The following NUP210 variants were observed in gnomAD, a reference collection of about 807,000 sequenced individuals.
The protein encoded by NUP210 is nuclear pore membrane glycoprotein 210.
In NUP210, 151 loss-of-function variants were observed where a neutral mutation model predicts 196.0. The ratio of observed to expected loss-of-function variants is 0.77; its 90% confidence interval spans 0.67 to 0.88. The LOEUF (loss-of-function observed/expected upper bound fraction) is 0.88. Ranked by LOEUF, NUP210 falls within the 40% of genes least tolerant of loss-of-function variation. The pLI, the probability that NUP210 is intolerant of heterozygous loss-of-function variation, is 0.00. For missense variants in NUP210, 2,314 were observed against 2,493.7 expected (o/e 0.93, Z 1.53); for synonymous variants, 1,070 against 1,052.7 (o/e 1.02, Z -0.32).
At chr3:13,374,532 C>T (rs1265336339) in intron 11 of NUP210, among the ~76,000 whole-genome samples, 1 of 152,116 alleles carries the variant, frequency 6.6e-6, no homozygotes, top group Non-Finnish European at 1.5e-5. Context: ...TGTCCTGTCT[C>T]GTTTCTGTCC....
Position 13,327,261 on chromosome 3 carries a change from A to G in NUP210, c.4463T>C (p.Val1488Ala), listed in dbSNP as rs374738555. 2.5e-6 allele frequency: 4 copies of G among 1,613,206 alleles called. No individual in the cohort carries two copies. The African/African-American group carries it at 4.0e-5, about 16-fold the overall frequency. ...AGTGGCCAGACAGAGCACGTCCCCCACCACCATGGCCCCAGACAGCTCTGG... is the reference window on the plus strand; with the variant it reads ...AGTGGCCAGACAGAGCACGTCCCCCGCCACCATGGCCCCAGACAGCTCTGG... ...ISPELSGAMV[V>A]GDVLCLATVL... Residue 1488 changes from valine (V) to alanine (A), a missense_variant, in exon 32 of 40, where the codon GTG becomes GCG. Coordinates refer to ENST00000254508, the MANE Select transcript of NUP210 (RefSeq NM_024923.4).
In NUP210 at chr3:13,348,631, GA is replaced by G; in HGVS notation, c.2835+3247del. 3.0e-6 allele frequency: 3 copies of G among 985,436 alleles called. No individual in the cohort carries two copies. The highest frequency in any genetic ancestry group is 3.6e-6 in the Non-Finnish European group (3 of 829,932). The allele number at this position is 985,436 out of a possible 1,614,324, so 61.0% of individuals were successfully genotyped here. The stretch of plus-strand genomic sequence containing the variant: ...GGAATTGTTCTTTCTTCTATGAGGG[GA>G]TAAGAATGCTTAGGAGACGCTGCTT... On this transcript the variant is annotated intron_variant, in intron 20 of 39. Coordinates refer to ENST00000254508, the MANE Select transcript of NUP210 (RefSeq NM_024923.4). The surrounding 1 kb of genome is among the most constrained non-coding windows in gnomAD (Gnocchi z 4.0).
At chr3:13,355,568 G>A (rs917845406) in intron 16 of NUP210, among the ~76,000 whole-genome samples, 4 of 152,220 alleles carry the variant, frequency 2.6e-5, no homozygotes, top group African/African-American at 7.2e-5. Context: ...GGCCCCGCCT[G>A]CCTGACCGAT....
At position 13,372,049 on chromosome 3, in the gene NUP210, T is replaced by A. The variant is rs373687713; in HGVS notation, c.1588-17A>T. ...CACATACACCTGGAAGACAGGGGCA[T>A]GGCCTGGGCTCAGCTGCCTCCACAG... On this transcript the variant is annotated splice_polypyrimidine_tract_variant and intron_variant, in intron 12 of 39. Coordinates refer to ENST00000254508, the MANE Select transcript of NUP210 (RefSeq NM_024923.4). 1.1e-5 allele frequency: 17 copies of A among 1,544,804 alleles called. No homozygotes were observed. The highest frequency in any genetic ancestry group is 8.8e-7 in the Non-Finnish European group (1 of 1,141,530).
Position 13,329,562 on chromosome 3 carries a change from T to C in NUP210, c.4111-616A>G, listed in dbSNP as rs146010531. Reference sequence around the variant, plus strand: ...AGTGCTCAGTACATATTTGTTGAAATAGGATGAGCAGTCAGTCACTTTCAC... The same window carrying C: ...AGTGCTCAGTACATATTTGTTGAAACAGGATGAGCAGTCAGTCACTTTCAC... On this transcript the variant is annotated intron_variant, in intron 30 of 39. Transcript: ENST00000254508. Among the ~76,000 whole-genome samples the C allele has an allele frequency of 1.1e-3, 166 of 152,348 alleles. 1 individual carries two copies. Among genetic ancestry groups the C allele is most frequent in the African/African-American group, 3.9e-3 (164 of 41,574 alleles).
chr3:13,368,544 A>G (rs1007557227), intron 13 of NUP210, among the ~76,000 whole-genome samples: 5 of 152,230 alleles, frequency 3.3e-5, no homozygotes, highest in Admixed American at 6.5e-5. Context: ...TCTTCAACTT[A>G]CAAAACTGAA....
intron 1 of NUP210, among the ~76,000 whole-genome samples, chr3:13,404,617 C>A (rs17038131): frequency 0.22 from 34,031 of 152,166 alleles, 6,039 homozygotes; most frequent in African/African-American, 0.49. Flanking sequence ...TTTAAGGCCA[C>A]AGAGGCCAGG....
At position 13,341,899 on chromosome 3, in the gene NUP210, G is replaced by A. The variant is rs781172950; in HGVS notation, c.3093-16C>T. On this transcript the variant is annotated splice_polypyrimidine_tract_variant and intron_variant, in intron 22 of 39. Transcript: ENST00000254508. Reference sequence around the variant, plus strand: ...ATCAAGGGCCCTGAAACAGAGGGAAGGGCTGGGACTTCTCCAAGACCACCC... The same window carrying A: ...ATCAAGGGCCCTGAAACAGAGGGAAAGGCTGGGACTTCTCCAAGACCACCC... The A allele has an allele frequency of 1.2e-6, 2 of 1,614,132 alleles. No homozygotes were observed. The highest frequency in any genetic ancestry group is 8.5e-7 in the Non-Finnish European group (1 of 1,179,994).
chr3:13,353,597 C>T lies in NUP210; in HGVS notation c.2585G>A (p.Gly862Asp), dbSNP rs199592808. The part of the protein sequence containing the change: ...GTTAITATAT[G>D]YQESHLSSAR... The stretch of plus-strand genomic sequence containing the variant: ...AGAGCTGAGGTGGGACTCCTGGTAG[C>T]CAGTGGCAGTGGCAGTGATGGCTGT... Residue 862 changes from glycine (G) to aspartate (D), a missense_variant, in exon 18 of 40, where the codon GGC becomes GAC. Coordinates refer to ENST00000254508, the MANE Select transcript of NUP210 (RefSeq NM_024923.4). 2.7e-4 allele frequency: 430 copies of T among 1,614,008 alleles called. No homozygotes were observed. The highest frequency in any genetic ancestry group is 3.4e-4 in the Non-Finnish European group (405 of 1,180,016).
In NUP210 at chr3:13,397,421, G is replaced by C; in HGVS notation, c.372C>G (p.Thr124=). 1 of 1,613,154 alleles carries C rather than the reference G, an allele frequency of 6.2e-7. No homozygotes were observed. The highest frequency in any genetic ancestry group is 1.3e-5 in the African/African-American group (1 of 74,978). ...AGTCCTCCAGGTAGAGCTCGCGGGT[G>C]GTGGAGACGATCTGGATGTCATGGA... ...DLIHDIQIVS[T]TRELYLEDSP... The change falls in exon 3 of 40, where the codon ACC becomes ACG. Residue 124 remains threonine (T), a synonymous_variant. Coordinates refer to ENST00000254508, the MANE Select transcript of NUP210 (RefSeq NM_024923.4).
At position 13,341,792 on chromosome 3, in the gene NUP210, T is replaced by C. The variant is rs753545762; in HGVS notation, c.3184A>G (p.Asn1062Asp). The stretch of plus-strand genomic sequence containing the variant: ...GAGTTGATTCTCTGTCCAGCTTTAT[T>C]GGTCACACTTGCAGTTAGACTGGTC... The part of the protein sequence containing the change: ...GQTSLTASVT[N>D]KAGQRINSAP... The change falls in exon 23 of 40, where the codon AAT becomes GAT. Residue 1062 changes from asparagine to aspartate, a missense_variant. Transcript: ENST00000254508. 6.8e-6 allele frequency: 11 copies of C among 1,614,140 alleles called. No homozygotes were observed. The highest frequency in any genetic ancestry group is 6.7e-5 in the Admixed American group (4 of 60,016).
Position 13,376,280 on chromosome 3 carries a change from C to G in NUP210, c.1293+11G>C. 5 of 1,612,984 alleles carry G rather than the reference C, an allele frequency of 3.1e-6. No individual in the cohort carries two copies. Among genetic ancestry groups the G allele is most frequent in the Non-Finnish European group, 4.2e-6 (5 of 1,179,932 alleles). Reference sequence around the variant, plus strand: ...AGGACAAGGCACGACGCAGGGGAGACACCAACTTGCCTGGTCCACCACAGA... The same window carrying G: ...AGGACAAGGCACGACGCAGGGGAGAGACCAACTTGCCTGGTCCACCACAGA... On this transcript the variant is annotated intron_variant, in intron 10 of 39. Transcript: ENST00000254508.
At chr3:13,356,567 T>C (rs1698178778) in intron 16 of NUP210, among the ~76,000 whole-genome samples, 1 of 152,084 alleles carries the variant, frequency 6.6e-6, no homozygotes, top group Non-Finnish European at 1.5e-5. Flanking sequence ...CACTTGAACC[T>C]GGGAGGTGGA....
At chr3:13,416,727 C>T (rs752486584) in intron 1 of NUP210, among the ~76,000 whole-genome samples, 3 of 152,208 alleles carry the variant, frequency 2.0e-5, no homozygotes, top group African/African-American at 4.8e-5. Flanking sequence ...TGCTCAGACA[C>T]GGAGCCCTCA....
intron 6 of NUP210, among the ~76,000 whole-genome samples, chr3:13,380,598 A>T (rs574357912): frequency 6.6e-6 from 1 of 152,230 alleles, no homozygotes; most frequent in South Asian, 2.1e-4. Flanking sequence ...GAGCTTCCTA[A>T]CCAGTCACCC....
At chr3:13,374,079 A>T (rs1354007556) in intron 11 of NUP210, among the ~76,000 whole-genome samples, 1 of 151,636 alleles carries the variant, frequency 6.6e-6, no homozygotes, top group African/African-American at 2.4e-5. Flanking sequence ...TCACCCTCAC[A>T]CTCATGCTCA....
chr3:13,397,761 T>C (rs891024548), intron 2 of NUP210, among the ~76,000 whole-genome samples: 3 of 152,148 alleles, frequency 2.0e-5, no homozygotes, highest in African/African-American at 7.2e-5. Flanking sequence ...CAGGAAAACT[T>C]AGTTTCGTTC....
chr3:13,368,512 C>T (rs1436292067), intron 13 of NUP210, among the ~76,000 whole-genome samples: 3 of 152,112 alleles, frequency 2.0e-5, no homozygotes, highest in South Asian at 2.1e-4. Context: ...GAATGGATGT[C>T]GCCACCATCC....
At chr3:13,326,032 G>C in intron 32 of NUP210, 101 bp from the exon 33 acceptor site, 1 of 1,473,736 alleles carries the variant, frequency 6.8e-7, no homozygotes, top group South Asian at 1.2e-5. Context: ...GCTGGCTGCC[G>C]CTACCCCCAT....
Sources: gnomAD v4.1 joint callset for allele counts (sites outside exome capture counted in the v4.1 genomes callset) on GRCh38, gnomAD v4.1.1 for gene constraint, Gnocchi (gnomAD v3.1) non-coding constraint, MANE v1.5 for transcripts, NCBI Gene and HGNC (gene_info 2026-07-23, HGNC 2026-07-21) for gene names.